CMTM8: variants seen among roughly 807,000 people sequenced by gnomAD.
CMTM8 encodes CKLF like MARVEL transmembrane domain containing 8.
Under a neutral mutation model 18.6 loss-of-function variants are expected in CMTM8, and 12 were observed. The ratio of observed to expected loss-of-function variants is 0.65; its 90% CI spans 0.41 to 1.05. The LOEUF is 1.05. CMTM8 is among the 50% of genes least tolerant of loss of function. The pLI is 0.00. For synonymous variants in CMTM8, 87 were observed against 90.6 expected (o/e 0.96, Z 0.23); for missense variants, 217 against 227.2 (o/e 0.95, Z 0.29).
At chr3:32,360,236 A>C (rs958214194) in intron 2 of CMTM8, among the ~76,000 whole-genome samples, 25 of 152,178 alleles carry the variant, frequency 1.6e-4, no homozygotes, top group African/African-American at 6.0e-4. Flanking sequence ...ACAAATAAAT[A>C]AGCTGGAAAT....
intron 1 of CMTM8, among the ~76,000 whole-genome samples, chr3:32,256,233 AT>A (rs34175762): frequency 0.87 from 131,636 of 151,684 alleles, 57,228 homozygotes; most frequent in East Asian, 0.99. Flanking sequence ...AGCCTGGATA[AT>A]TTTTTTTTAT....
intron 1 of CMTM8, among the ~76,000 whole-genome samples, chr3:32,261,418 G>A (rs1231245973): frequency 6.6e-6 from 1 of 151,946 alleles, no homozygotes; most frequent in Non-Finnish European, 1.5e-5. Context: ...AATTATAGTA[G>A]GAAAAACTCA....
chr3:32,259,001 G>A (rs1702215285), intron 1 of CMTM8: 1 of 342,694 alleles, frequency 2.9e-6, no homozygotes, highest in South Asian at 2.7e-5. Flanking sequence ...TCTGTCCAGG[G>A]GCCCAGCTAC....
chr3:32,311,022 T>A (rs1695810275), intron 1 of CMTM8, among the ~76,000 whole-genome samples: 1 of 152,172 alleles, frequency 6.6e-6, no homozygotes. Context: ...TGCACAGCAA[T>A]GTAAATTACT....
intron 1 of CMTM8, among the ~76,000 whole-genome samples, chr3:32,303,303 T>G (rs1286209208): frequency 6.6e-6 from 1 of 152,212 alleles, no homozygotes; most frequent in Non-Finnish European, 1.5e-5. Flanking sequence ...TGCTTGGAAT[T>G]CATTTCGTAT....
intron 1 of CMTM8, among the ~76,000 whole-genome samples, chr3:32,315,130 T>TCTTC (rs1389053850): frequency 6.7e-6 from 1 of 149,658 alleles, no homozygotes. Flanking sequence ...TTCTTCTTCT[T>TCTTC]TTTTTTTTTT....
intron 1 of CMTM8, among the ~76,000 whole-genome samples, chr3:32,301,845 G>A (rs1221144869): frequency 6.6e-6 from 1 of 152,136 alleles, no homozygotes; most frequent in East Asian, 1.9e-4. Context: ...TTCGAGTCTG[G>A]CTAACCAGCC....
At chr3:32,324,476 C>A (rs2125579598) in intron 1 of CMTM8, among the ~76,000 whole-genome samples, 1 of 152,300 alleles carries the variant, frequency 6.6e-6, no homozygotes, top group South Asian at 2.1e-4. Context: ...GCACAAGCTG[C>A]TGATTTCGTG....
chr3:32,291,979 T>C (rs1253465042), intron 1 of CMTM8, among the ~76,000 whole-genome samples: 1 of 152,174 alleles, frequency 6.6e-6, no homozygotes, highest in Admixed American at 6.6e-5. Context: ...TTCTTGGAAG[T>C]TGAAAAAATA....
chr3:32,368,224 T>C (rs1409688185), intron 3 of CMTM8, among the ~76,000 whole-genome samples: 3 of 152,202 alleles, frequency 2.0e-5, no homozygotes, highest in Non-Finnish European at 2.9e-5. Context: ...TGGAACAAGA[T>C]AAGTATTCAA....
At chr3:32,249,088 C>T (rs1440014234) in intron 1 of CMTM8, among the ~76,000 whole-genome samples, 21 of 133,742 alleles carry the variant, frequency 1.6e-4, no homozygotes, top group African/African-American at 5.7e-4. Context: ...TCGCCCAGGC[C>T]GCACTGCAGG....
intron 1 of CMTM8, among the ~76,000 whole-genome samples, chr3:32,309,527 C>T (rs118048123): frequency 3.3e-5 from 5 of 151,820 alleles, no homozygotes; most frequent in Non-Finnish European, 5.9e-5. Flanking sequence ...AGGCTGGTCT[C>T]GATGTCCTGA....
At chr3:32,365,131 G>T (rs1697005992) in intron 2 of CMTM8, among the ~76,000 whole-genome samples, 1 of 152,102 alleles carries the variant, frequency 6.6e-6, no homozygotes, top group African/African-American at 2.4e-5. Context: ...CTAAGCCTTA[G>T]ATAGGAGTAA....
rs57318880 is a variant in CMTM8 at position 32,314,480 on chromosome 3, ATT to A, written c.148-42878_148-42877del. ...GTGGGTAGGCAGAGTAAGCCAGAAA[ATT>A]TTTTTTTTTTTTTTAAAGACAGAGT... is the stretch of plus-strand genomic sequence containing the variant. On this transcript the variant is annotated intron_variant, in intron 1 of 3. Coordinates refer to ENST00000307526, the MANE Select transcript of CMTM8 (RefSeq NM_178868.5). Among the ~76,000 whole-genome samples the A allele has an allele frequency of 6.9e-3, 1,014 of 146,592 alleles. 11 individuals carry two copies. The highest frequency in any genetic ancestry group is 0.02 in the African/African-American group (778 of 39,824).
At chr3:32,366,522 G>A (rs1248578213) in intron 2 of CMTM8, among the ~76,000 whole-genome samples, 1 of 152,194 alleles carries the variant, frequency 6.6e-6, no homozygotes, top group African/African-American at 2.4e-5. Context: ...AGACATGCAT[G>A]AGAGCCCTGA....
rs954977809 is a variant in CMTM8 at position 32,358,393 on chromosome 3, A to G, written c.321+847A>G. ...CAAAGTAGCTAAATGATTTACAAAA[A>G]AAATCCCAGTGGTACCACATGTGTT... On this transcript the variant is annotated intron_variant, in intron 2 of 3. Coordinates refer to ENST00000307526, the MANE Select transcript of CMTM8 (RefSeq NM_178868.5). This position sits in a 1 kb window ranked among gnomAD's most constrained non-coding sequence, Gnocchi z 4.1. Among the ~76,000 whole-genome samples the G allele has an allele frequency of 2.0e-5, 3 of 152,270 alleles. No homozygotes were observed. The highest frequency in any genetic ancestry group is 4.4e-5 in the Non-Finnish European group (3 of 68,044).
chr3:32,271,548 G>A (rs879751283), intron 1 of CMTM8, among the ~76,000 whole-genome samples: 35 of 152,182 alleles, frequency 2.3e-4, no homozygotes, highest in Admixed American at 1.9e-3. Context: ...ATCATTGAGT[G>A]TTTTTTCCAT....
chr3:32,275,779 A>G (rs1702508323), intron 1 of CMTM8, among the ~76,000 whole-genome samples: 1 of 151,508 alleles, frequency 6.6e-6, no homozygotes, highest in Admixed American at 6.6e-5. Context: ...CCTCCAGAGT[A>G]ACTGGGATTA....
At chr3:32,271,363 G>A (rs576112791) in intron 1 of CMTM8, among the ~76,000 whole-genome samples, 2 of 152,108 alleles carry the variant, frequency 1.3e-5, no homozygotes, top group Non-Finnish European at 2.9e-5. Context: ...CGGGTGACCC[G>A]CCTACCTAGG....
Sources: allele counts gnomAD v4.1 joint callset (sites outside exome capture counted in the v4.1 genomes callset), GRCh38; gene constraint gnomAD v4.1.1; non-coding constraint Gnocchi (gnomAD v3.1); transcripts MANE v1.5; gene names NCBI Gene and HGNC (gene_info 2026-07-23, HGNC 2026-07-21).